Variants in ABTB3 observed in about 807,000 individuals in gnomAD.
ABTB3 encodes ankyrin repeat- and BTB/POZ domain-containing protein 3.
At chr12:107,336,275 C>T in the ABTB3 span, among the ~76,000 whole-genome samples, 6 of 152,194 alleles carry the variant, frequency 3.9e-5, no homozygotes, top group South Asian at 2.1e-4. Flanking sequence ...CAAACGCTGA[C>T]GTGAGCAAAT....
the ABTB3 span, chr12:107,649,265 G>C: frequency 7.1e-5 from 114 of 1,613,052 alleles, no homozygotes; most frequent in African/African-American, 1.3e-3. Context: ...AAAACAATGA[G>C]ATCATGGAGG....
chr12:107,472,422 G>T, the ABTB3 span, among the ~76,000 whole-genome samples: 2 of 152,144 alleles, frequency 1.3e-5, no homozygotes, highest in Admixed American at 6.5e-5. Context: ...CAAGCTATAG[G>T]GAGAGGGTCA....
At chr12:107,502,770 G>A in the ABTB3 span, among the ~76,000 whole-genome samples, 2 of 152,054 alleles carry the variant, frequency 1.3e-5, no homozygotes, top group Admixed American at 6.6e-5. Flanking sequence ...TGCACGCGAG[G>A]GATCTAGCTT....
chr12:107,513,818 T>G, the ABTB3 span, among the ~76,000 whole-genome samples: 1 of 152,218 alleles, frequency 6.6e-6, no homozygotes, highest in Non-Finnish European at 1.5e-5. Context: ...ATGGCCTCTA[T>G]CAGAGACACA....
the ABTB3 span, among the ~76,000 whole-genome samples, chr12:107,572,461 G>A: frequency 6.6e-6 from 1 of 152,060 alleles, no homozygotes; most frequent in Admixed American, 6.5e-5. Context: ...CCAAGCAAAC[G>A]GGCACAGACC....
the ABTB3 span, among the ~76,000 whole-genome samples, chr12:107,442,390 C>T: frequency 6.6e-6 from 1 of 152,140 alleles, no homozygotes; most frequent in Non-Finnish European, 1.5e-5. Context: ...TTGTAGATTT[C>T]GTTTCCTTTT....
At chr12:107,376,595 G>A in the ABTB3 span, among the ~76,000 whole-genome samples, 2 of 152,064 alleles carry the variant, frequency 1.3e-5, no homozygotes, top group African/African-American at 4.8e-5. Context: ...CCCTGGCATT[G>A]CGCGATGCTG....
the ABTB3 span, among the ~76,000 whole-genome samples, chr12:107,381,677 A>C: frequency 6.6e-6 from 1 of 152,170 alleles, no homozygotes; most frequent in Non-Finnish European, 1.5e-5. Flanking sequence ...GCTGTATCCT[A>C]AGGGCAGGGG....
the ABTB3 span, among the ~76,000 whole-genome samples, chr12:107,324,994 G>A: frequency 2.0e-5 from 3 of 152,152 alleles, no homozygotes; most frequent in East Asian, 3.8e-4. Flanking sequence ...AACCCAAACC[G>A]AACGCAATGG....
At chr12:107,466,646 G>A in the ABTB3 span, among the ~76,000 whole-genome samples, 1 of 152,000 alleles carries the variant, frequency 6.6e-6, no homozygotes, top group Non-Finnish European at 1.5e-5. Flanking sequence ...TCGGCAGGGT[G>A]GGGAATTTGG....
chr12:107,635,399 T>G, the ABTB3 span: 3 of 1,611,070 alleles, frequency 1.9e-6, no homozygotes, highest in Non-Finnish European at 2.5e-6. Flanking sequence ...GGGTGAGTGG[T>G]TCCCCCAGGC....
chr12:107,617,169 G>A, the ABTB3 span: 1 of 1,614,182 alleles, frequency 6.2e-7, no homozygotes, highest in Non-Finnish European at 8.5e-7. Flanking sequence ...CCCTCCAGCT[G>A]GCAGCTGCTG....
the ABTB3 span, among the ~76,000 whole-genome samples, chr12:107,621,447 G>GT: frequency 0.18 from 27,349 of 152,096 alleles, 3,830 homozygotes; most frequent in African/African-American, 0.39. Context: ...CCAGGGTCTG[G>GT]GTTCTATCGT....
the ABTB3 span, chr12:107,580,995 CTG>C: frequency 6.4e-7 from 1 of 1,552,198 alleles, no homozygotes; most frequent in Non-Finnish European, 8.7e-7. Flanking sequence ...TCCCACTACT[CTG>C]GAATTCAGAG....
At chr12:107,383,831 A>T in the ABTB3 span, among the ~76,000 whole-genome samples, 1 of 152,176 alleles carries the variant, frequency 6.6e-6, no homozygotes, top group Non-Finnish European at 1.5e-5. Flanking sequence ...GGTGAACTGA[A>T]TTAGTGATAA....
At chr12:107,655,256 A>AATAT in the ABTB3 span, among the ~76,000 whole-genome samples, 10,755 of 148,724 alleles carry the variant, frequency 0.072, 443 homozygotes, top group Middle Eastern at 0.15. Context: ...GCCTCTTTCA[A>AATAT]ATATATATAT....
At chr12:107,472,790 G>T in the ABTB3 span, among the ~76,000 whole-genome samples, 464 of 152,326 alleles carry the variant, frequency 3.0e-3, 5 homozygotes, top group African/African-American at 0.01. Flanking sequence ...TCACAGGCTA[G>T]TGGGGACAAG....
chr12:107,617,868 G>A, the ABTB3 span: 1 of 448,412 alleles, frequency 2.2e-6, no homozygotes, highest in South Asian at 3.7e-5. Context: ...TCACTTTGGA[G>A]AGAGGGCAGG....
At chr12:107,336,425 C>T in the ABTB3 span, among the ~76,000 whole-genome samples, 43 of 151,980 alleles carry the variant, frequency 2.8e-4, no homozygotes, top group African/African-American at 9.9e-4. Context: ...ATCCCAGCAT[C>T]GTCCCTTATT....
Sources: allele counts gnomAD v4.1 joint callset (sites outside exome capture counted in the v4.1 genomes callset), GRCh38; gene constraint gnomAD v4.1.1; transcripts MANE v1.5; gene names NCBI Gene and HGNC (gene_info 2026-07-23, HGNC 2026-07-21).